SLIT1: variants seen among roughly 807,000 people sequenced by gnomAD.
SLIT1 encodes the protein slit homolog 1 protein.
A neutral mutation model predicts 186.1 loss-of-function variants in SLIT1; 66 were observed. The observed-to-expected ratio is 0.35, with a 90% CI of 0.29 to 0.44. SLIT1 has a LOEUF of 0.44. Ranked by LOEUF, SLIT1 falls within the 20% of genes least tolerant of loss-of-function variation. SLIT1 has a pLI of 1.00. For missense variants in SLIT1, 1,638 were observed against 2,037.4 expected, an observed-to-expected ratio of 0.80 and a Z score of 3.77; for synonymous variants, 761 against 833.8, an observed-to-expected ratio of 0.91 and a Z score of 1.50.
At chr10:97,056,272 C>T in intron 13 of SLIT1, 49 bp downstream of exon 13, 1 of 1,605,248 alleles carries the variant, frequency 6.2e-7, no homozygotes, top group Non-Finnish European at 8.5e-7. Flanking sequence ...CAACCTCCCC[C>T]AGGCCCACCT....
At chr10:97,051,900 A>C (rs1848790749) in intron 13 of SLIT1, among the ~76,000 whole-genome samples, 1 of 152,122 alleles carries the variant, frequency 6.6e-6, no homozygotes. Context: ...AATGTCCCCA[A>C]AGTGGAAACC....
intron 4 of SLIT1, among the ~76,000 whole-genome samples, chr10:97,127,971 C>A (rs986404772): frequency 6.6e-6 from 1 of 152,134 alleles, no homozygotes; most frequent in Non-Finnish European, 1.5e-5. Flanking sequence ...CATGAATTGA[C>A]AAGCAGCCAC....
chr10:97,003,110 A>T, intron 34 of SLIT1, 118 bp from the exon 35 acceptor site: 1 of 982,844 alleles, frequency 1.0e-6, no homozygotes, highest in Non-Finnish European at 1.5e-6. Context: ...TCTGTCCTTC[A>T]TCTCTGCAAC....
chr10:97,011,201 A>T, intron 30 of SLIT1, 71 bp from the exon 31 acceptor site: 9 of 1,066,634 alleles, frequency 8.4e-6, no homozygotes, highest in Non-Finnish European at 1.2e-5. Flanking sequence ...GGAGCGCACC[A>T]GGGATCCCCC....
chr10:97,080,509 G>A (rs1290692538), intron 4 of SLIT1, among the ~76,000 whole-genome samples: 2 of 152,152 alleles, frequency 1.3e-5, no homozygotes, highest in Non-Finnish European at 2.9e-5. Context: ...TTTTAGTTGG[G>A]CAGTTTCCCA....
At chr10:97,129,220 A>C (rs1849631039) in intron 4 of SLIT1, among the ~76,000 whole-genome samples, 1 of 152,006 alleles carries the variant, frequency 6.6e-6, no homozygotes, top group Non-Finnish European at 1.5e-5. Context: ...TGAGCAACAT[A>C]GCGAAACCCC....
At chr10:97,049,825 C>G (rs981806023) in intron 13 of SLIT1, among the ~76,000 whole-genome samples, 2 of 152,216 alleles carry the variant, frequency 1.3e-5, no homozygotes, top group African/African-American at 4.8e-5. Context: ...GATTCTCTCC[C>G]AGGCTGCCTG....
chr10:97,063,507 G>C lies in SLIT1; in HGVS notation c.741C>G (p.Ser247Arg), dbSNP rs774159531. 3.7e-6 allele frequency: 6 copies of C among 1,613,050 alleles called. No homozygotes were observed. The Admixed American group carries it at 8.3e-5, about 22-fold the overall frequency. ...CCTCTGCCACATTGAGGCCACGCAG[G>C]CTGGCTGGGCCCGAGCACTGGGTGA... is the stretch of plus-strand genomic sequence containing the variant. The part of the protein sequence containing the change: ...GLFTQCSGPA[S>R]LRGLNVAEVQ... The change falls in exon 8 of 37, where the codon AGC (serine) becomes AGG (arginine). Residue 247 changes from serine (S) to arginine (R), a missense_variant. By Grantham distance (110) the Ser-to-Arg change is moderately radical. Transcript: ENST00000266058.
chr10:97,136,971 G>A (rs550648352), intron 4 of SLIT1, among the ~76,000 whole-genome samples: 6 of 152,284 alleles, frequency 3.9e-5, no homozygotes, highest in Admixed American at 6.5e-5. Flanking sequence ...AACAAAGACC[G>A]ATGCTCTTGG....
intron 4 of SLIT1, among the ~76,000 whole-genome samples, chr10:97,067,207 C>T (rs1160761355): frequency 6.6e-6 from 1 of 152,148 alleles, no homozygotes; most frequent in African/African-American, 2.4e-5. Context: ...TCCCCATGAA[C>T]GCCCTGCTGC....
chr10:97,151,598 T>G (rs1849880958), intron 4 of SLIT1, among the ~76,000 whole-genome samples: 1 of 147,626 alleles, frequency 6.8e-6, no homozygotes. Context: ...GTGGAGGGGG[T>G]GGATGGGTGA....
chr10:97,008,235 C>T (rs1459177995), intron 31 of SLIT1, among the ~76,000 whole-genome samples: 3 of 152,082 alleles, frequency 2.0e-5, no homozygotes, highest in African/African-American at 7.2e-5. Flanking sequence ...ATTAAGAAAA[C>T]AATTCCTTTA....
chr10:97,127,241 A>G (rs2817704), intron 4 of SLIT1, among the ~76,000 whole-genome samples: 76,936 of 151,406 alleles, frequency 0.51, 21,570 homozygotes, highest in Non-Finnish European at 0.63. Flanking sequence ...AGCCGAGATC[A>G]CGCCATTGCA....
rs1214997700 is a variant in SLIT1 at position 97,037,685 on chromosome 10, C to T, written c.2366+13G>A. The T allele has an allele frequency of 5.0e-6, 8 of 1,606,034 alleles. No homozygotes were observed. Among genetic ancestry groups the T allele is most frequent in the Non-Finnish European group, 6.8e-6 (8 of 1,173,150 alleles). On this transcript the variant is annotated intron_variant, in intron 22 of 36. Coordinates refer to ENST00000266058, the MANE Select transcript of SLIT1 (RefSeq NM_003061.3). ...CAAAGGCCCTCCTGTCCTCAAGCGG[C>T]CTGGATACTTACACGAGCTGCAGGT... is the stretch of plus-strand genomic sequence containing the variant.
At chr10:97,041,113 C>A (rs1474379069) in intron 20 of SLIT1, among the ~76,000 whole-genome samples, 1 of 152,240 alleles carries the variant, frequency 6.6e-6, no homozygotes, top group Non-Finnish European at 1.5e-5. Flanking sequence ...AGGCTCTCAG[C>A]AGCAACATCT....
intron 4 of SLIT1, among the ~76,000 whole-genome samples, chr10:97,107,132 A>C (rs767625337): frequency 1.3e-5 from 2 of 152,236 alleles, no homozygotes; most frequent in Non-Finnish European, 2.9e-5. Flanking sequence ...GGTACCCAAC[A>C]GGGATACCAT....
At chr10:97,141,756 C>G (rs527698032) in intron 4 of SLIT1, among the ~76,000 whole-genome samples, 1 of 141,224 alleles carries the variant, frequency 7.1e-6, no homozygotes, top group South Asian at 2.2e-4. Context: ...CGTATCGTAT[C>G]GTATCGTATT....
At chr10:97,138,289 A>G (rs1391340186) in intron 4 of SLIT1, among the ~76,000 whole-genome samples, 1 of 152,262 alleles carries the variant, frequency 6.6e-6, no homozygotes, top group Non-Finnish European at 1.5e-5. Flanking sequence ...GAAGCTGCAC[A>G]GTGGCCTCCC....
At chr10:97,125,848 A>G (rs890760201) in intron 4 of SLIT1, among the ~76,000 whole-genome samples, 2 of 142,264 alleles carry the variant, frequency 1.4e-5, no homozygotes, top group East Asian at 3.9e-4. Flanking sequence ...AAACAAAAAC[A>G]AAAAAAAACA....
Sources: allele counts gnomAD v4.1 joint callset (sites outside exome capture counted in the v4.1 genomes callset), GRCh38; gene constraint gnomAD v4.1.1; transcripts MANE v1.5; gene names NCBI Gene and HGNC (gene_info 2026-07-23, HGNC 2026-07-21).